WSCD2: variants seen among roughly 807,000 people sequenced by gnomAD.
WSCD2 encodes the protein WSC domain sialate O sulfotransferase 2.
A neutral mutation model predicts 55.7 loss-of-function variants in WSCD2; 28 were observed. That is an observed-to-expected ratio of 0.50 (90% CI 0.37 to 0.69). WSCD2 has a LOEUF of 0.69. Ranked by LOEUF, WSCD2 falls within the 30% of genes least tolerant of loss-of-function variation. The pLI is 0.00. For missense variants in WSCD2, 616 were observed against 762.1 expected (o/e 0.81, Z 2.26); for synonymous variants, 301 against 301.9 (o/e 1.00, Z 0.03).
intron 1 of WSCD2, among the ~76,000 whole-genome samples, chr12:108,134,031 T>C (rs1292988073): frequency 3.3e-5 from 5 of 151,990 alleles, no homozygotes; most frequent in Admixed American, 2.0e-4. Context: ...GGGACTGTGG[T>C]GGGGTATGGG....
rs769148754 is a variant in WSCD2 at position 108,240,569 on chromosome 12, G to A, written c.1345+25G>A. On this transcript the variant is annotated intron_variant, in intron 8 of 8. Transcript: ENST00000547525. ...GGTACAGCTCGGGAGAGGAGGGGAG[G>A]GGAGGGGAGGGGCTTCGGGCTGCAG... The A allele has an allele frequency of 2.6e-6, 4 of 1,565,178 alleles. No homozygotes were observed. In the East Asian group the frequency reaches 6.7e-5, roughly 26 times the overall value.
intron 1 of WSCD2, among the ~76,000 whole-genome samples, chr12:108,171,466 A>C (rs1012160278): frequency 6.6e-6 from 1 of 152,252 alleles, no homozygotes; most frequent in Non-Finnish European, 1.5e-5. Context: ...TGTGAAATAC[A>C]CATCAGATTT....
At chr12:108,134,482 T>G (rs1875960971) in intron 1 of WSCD2, among the ~76,000 whole-genome samples, 2 of 152,162 alleles carry the variant, frequency 1.3e-5, no homozygotes, top group Admixed American at 6.5e-5. Flanking sequence ...GGGCACATGT[T>G]AAGCCCAGAC....
chr12:108,175,132 T>C (rs1250066050), intron 1 of WSCD2, among the ~76,000 whole-genome samples: 1 of 152,156 alleles, frequency 6.6e-6, no homozygotes, highest in Non-Finnish European at 1.5e-5. Flanking sequence ...AAAGAGACAT[T>C]TGGCAATGTC....
chr12:108,166,107 G>A (rs767890917), intron 1 of WSCD2, among the ~76,000 whole-genome samples: 3 of 152,200 alleles, frequency 2.0e-5, no homozygotes, highest in Non-Finnish European at 4.4e-5. Context: ...CCTACACTTT[G>A]AGAAACACTG....
intron 3 of WSCD2, among the ~76,000 whole-genome samples, chr12:108,209,676 C>T (rs1593032296): frequency 2.0e-5 from 3 of 151,930 alleles, no homozygotes; most frequent in Admixed American, 6.5e-5. Flanking sequence ...CCTGCCTCCA[C>T]GCTGCCCCAC....
At chr12:108,166,805 C>CTT (rs1338166623) in intron 1 of WSCD2, among the ~76,000 whole-genome samples, 13 of 132,170 alleles carry the variant, frequency 9.8e-5, no homozygotes, top group African/African-American at 3.4e-4. Context: ...TTCTTTCTTT[C>CTT]TCTCTTTTTT....
At chr12:108,217,487 G>C (rs1417781535) in intron 4 of WSCD2, among the ~76,000 whole-genome samples, 1 of 152,176 alleles carries the variant, frequency 6.6e-6, no homozygotes, top group Non-Finnish European at 1.5e-5. Context: ...TCTGTGTCCA[G>C]ATCACCAAGA....
In WSCD2 at chr12:108,230,005, C is replaced by T. The variant is rs570662854; in HGVS notation, c.980-2726C>T. Among the ~76,000 whole-genome samples the T allele has an allele frequency of 1.9e-4, 29 of 152,214 alleles. No individual in the cohort carries two copies. In the South Asian group the frequency reaches 6.0e-3, roughly 32 times the overall value. On this transcript the variant is annotated intron_variant, in intron 6 of 8. Transcript: ENST00000547525. ...TTTATTGTCCATCTCTCCTTTTCTCCATCCCTCAATCCTTCCTAATTTTTG... is the reference window on the plus strand; with the variant it reads ...TTTATTGTCCATCTCTCCTTTTCTCTATCCCTCAATCCTTCCTAATTTTTG...
Position 108,210,361 on chromosome 12 carries a change from C to A in WSCD2, c.682+56C>A. ...GCTCCTCCCTCAGCTGCAGCCCTTG[C>A]CCACCAAAGAGTCCCACATGTCTGC... is the stretch of plus-strand genomic sequence containing the variant. On this transcript the variant is annotated intron_variant, in intron 4 of 8. Transcript: ENST00000547525. This position sits in a 1 kb window ranked among gnomAD's most constrained non-coding sequence, Gnocchi z 4.3. 2.0e-6 allele frequency: 3 copies of A among 1,512,180 alleles called. No homozygotes were observed. The highest frequency in any genetic ancestry group is 2.6e-6 in the Non-Finnish European group (3 of 1,134,244). The allele number at this position is 1,512,180 out of a possible 1,614,324, so 93.7% of individuals were successfully genotyped here.
At position 108,206,348 on chromosome 12, in the gene WSCD2, T is replaced by G; in HGVS notation, c.442T>G (p.Phe148Val). 1 of 1,614,220 alleles carries G rather than the reference T, an allele frequency of 6.2e-7. No individual in the cohort carries two copies. Among genetic ancestry groups the G allele is most frequent in the Non-Finnish European group, 8.5e-7 (1 of 1,180,024 alleles). ...GAGTCGGGCCCTTCGAGGAGTGTCCTTTTTTGACTACAAAAAGATGACCAT... is the reference window on the plus strand; with the variant it reads ...GAGTCGGGCCCTTCGAGGAGTGTCCGTTTTTGACTACAAAAAGATGACCAT... ...TQSRALRGVS[F>V]FDYKKMTIFR... Residue 148 changes from phenylalanine (F) to valine (V), a missense_variant, in exon 3 of 9, where the codon TTT (phenylalanine) becomes GTT (valine). Physicochemically the swap from Phe to Val is conservative, Grantham distance 50 (BLOSUM62 -1). This residue lies in a region of WSCD2 where 374 missense variants were observed against 467.4 expected (regional missense o/e 0.80). Transcript: ENST00000547525.
chr12:108,153,978 T>A (rs939468443), intron 1 of WSCD2, among the ~76,000 whole-genome samples: 3 of 151,688 alleles, frequency 2.0e-5, no homozygotes, highest in Admixed American at 1.3e-4. Context: ...TGCTGGAAGG[T>A]TTTTCTTAGT....
intron 4 of WSCD2, among the ~76,000 whole-genome samples, chr12:108,223,205 G>A (rs923090761): frequency 6.6e-6 from 1 of 152,164 alleles, no homozygotes; most frequent in Admixed American, 6.5e-5. Context: ...GCAACATCTA[G>A]ACCAATGTTT....
intron 1 of WSCD2, among the ~76,000 whole-genome samples, chr12:108,139,025 C>T (rs767832269): frequency 1.4e-4 from 22 of 152,294 alleles, no homozygotes; most frequent in South Asian, 4.1e-4. Flanking sequence ...GCATAGTAGA[C>T]GCTCAATGTT....
At chr12:108,136,799 C>G (rs944905863) in intron 1 of WSCD2, among the ~76,000 whole-genome samples, 1 of 151,854 alleles carries the variant, frequency 6.6e-6, no homozygotes, top group African/African-American at 2.4e-5. Flanking sequence ...GTTTCAGGAA[C>G]TCCTCGGAGG....
rs76237285 is a variant in WSCD2 at position 108,208,378 on chromosome 12, A to G, written c.498-1743A>G. ...GCCACATTCCACAGATGAGGAAACC[A>G]GGGTACAGAGACATCAAGTATAATG... is the stretch of plus-strand genomic sequence containing the variant. On this transcript the variant is annotated intron_variant, in intron 3 of 8. Transcript: ENST00000547525. 4.5e-3 allele frequency among the ~76,000 whole-genome samples: 693 copies of G among 152,342 alleles called. 45 individuals are homozygous for G. In the East Asian group the frequency reaches 0.11, roughly 24 times the overall value.
At chr12:108,240,682 G>A (rs1314619406) in intron 8 of WSCD2, 138 bp downstream of exon 8, 8 of 1,027,390 alleles carry the variant, frequency 7.8e-6, no homozygotes, top group Non-Finnish European at 1.1e-5. Context: ...ACATCCTGGA[G>A]GGCGCGTGTC....
chr12:108,206,559 T>C (rs762498810), intron 3 of WSCD2, among the ~76,000 whole-genome samples, 156 bp downstream of exon 3: 1 of 152,204 alleles, frequency 6.6e-6, no homozygotes, highest in Non-Finnish European at 1.5e-5. Flanking sequence ...ATTGTGTGTA[T>C]GTGCATAAGC....
At chr12:108,144,566 T>C (rs1227833539) in intron 1 of WSCD2, among the ~76,000 whole-genome samples, 1 of 152,184 alleles carries the variant, frequency 6.6e-6, no homozygotes, top group Non-Finnish European at 1.5e-5. Context: ...TAGCTGTGTG[T>C]TGGAGAGCAA....
Sources: allele counts gnomAD v4.1 joint callset (sites outside exome capture counted in the v4.1 genomes callset), GRCh38; gene constraint gnomAD v4.1.1; regional missense constraint gnomAD v4.1.1; non-coding constraint Gnocchi (gnomAD v3.1); transcripts MANE v1.5; gene names NCBI Gene and HGNC (gene_info 2026-07-23, HGNC 2026-07-21).